Variants in C8orf34 observed in about 807,000 individuals in gnomAD.
The protein encoded by C8orf34 is uncharacterized protein C8orf34.
A neutral mutation model predicts 68.3 loss-of-function variants in C8orf34; 65 were observed. The ratio of observed to expected loss-of-function variants is 0.95; its 90% CI spans 0.78 to 1.17. C8orf34 has a LOEUF of 1.17. Among genes scored for constraint, C8orf34 ranks in the 50% most tolerant of loss-of-function variants. The pLI is 0.00. For missense variants in C8orf34, 664 were observed against 655.4 expected (o/e 1.01, Z -0.14); for synonymous variants, 244 against 241.2 (o/e 1.01, Z -0.11).
chr8:68,739,717 A>G (rs1431524784), intron 10 of C8orf34, among the ~76,000 whole-genome samples: 1 of 152,114 alleles, frequency 6.6e-6, no homozygotes, highest in Non-Finnish European at 1.5e-5. Flanking sequence ...CAATGACATT[A>G]TTCACAGAAC....
intron 8 of C8orf34, among the ~76,000 whole-genome samples, chr8:68,661,376 C>G (rs1345010198): frequency 6.6e-6 from 1 of 152,218 alleles, no homozygotes; most frequent in Non-Finnish European, 1.5e-5. Flanking sequence ...CTTAGGTCCC[C>G]ATATGGGCCA....
intron 12 of C8orf34, among the ~76,000 whole-genome samples, chr8:68,790,071 T>C (rs1038989182): frequency 3.9e-5 from 6 of 152,302 alleles, no homozygotes; most frequent in East Asian, 1.9e-4. Context: ...CTAGTTAGCA[T>C]TGTAGCCAAG....
intron 1 of C8orf34, among the ~76,000 whole-genome samples, chr8:68,413,845 A>G (rs889601732): frequency 2.3e-4 from 35 of 152,302 alleles, no homozygotes; most frequent in African/African-American, 8.4e-4. Flanking sequence ...GGGCAAATGT[A>G]TGTCACTAGC....
intron 11 of C8orf34, among the ~76,000 whole-genome samples, chr8:68,786,625 A>AGCTAC (rs1823854280): frequency 6.6e-6 from 1 of 152,162 alleles, no homozygotes; most frequent in African/African-American, 2.4e-5. Context: ...TGCATTGTAG[A>AGCTAC]GCTACCAGTT....
At chr8:68,339,774 T>C (rs1408400439) in intron 1 of C8orf34, among the ~76,000 whole-genome samples, 3 of 151,920 alleles carry the variant, frequency 2.0e-5, no homozygotes, top group Non-Finnish European at 1.5e-5. Flanking sequence ...ATATAAACTG[T>C]AAAAAAATCA....
chr8:68,495,153 G>A (rs1813473687), intron 5 of C8orf34, among the ~76,000 whole-genome samples: 1 of 151,584 alleles, frequency 6.6e-6, no homozygotes, highest in Non-Finnish European at 1.5e-5. Flanking sequence ...TAGAGCAATA[G>A]GCAGTCTGTA....
At chr8:68,332,388 G>A (rs1263570303) in intron 1 of C8orf34, among the ~76,000 whole-genome samples, 1 of 38,820 alleles carries the variant, frequency 2.6e-5, no homozygotes, top group African/African-American at 1.1e-4. Flanking sequence ...CCTTGCCCCC[G>A]CCCCCCACGT....
intron 7 of C8orf34, among the ~76,000 whole-genome samples, chr8:68,563,251 G>T (rs2130189108): frequency 6.6e-6 from 1 of 152,212 alleles, no homozygotes; most frequent in South Asian, 2.1e-4. Context: ...TTCAAAGTAA[G>T]GATGTATGCA....
chr8:68,415,346 G>A (rs1341099360), intron 1 of C8orf34, among the ~76,000 whole-genome samples: 6 of 152,058 alleles, frequency 3.9e-5, no homozygotes, highest in Admixed American at 2.0e-4. Context: ...TGGGTGTGGC[G>A]GTACATGCCT....
At chr8:68,574,285 TATG>T (rs1466327705) in intron 7 of C8orf34, among the ~76,000 whole-genome samples, 1 of 152,074 alleles carries the variant, frequency 6.6e-6, no homozygotes, top group Non-Finnish European at 1.5e-5. Flanking sequence ...TTGTGAGTAT[TATG>T]ATACTACAAG....
chr8:68,787,380 T>C (rs1385586169), intron 11 of C8orf34, 63 bp from the exon 12 acceptor site: 4 of 1,083,426 alleles, frequency 3.7e-6, no homozygotes, highest in South Asian at 1.5e-5. Flanking sequence ...GAAGTGATTA[T>C]CCACATTAAT....
At chr8:68,471,552 T>C (rs964183337) in intron 4 of C8orf34, among the ~76,000 whole-genome samples, 1 of 152,174 alleles carries the variant, frequency 6.6e-6, no homozygotes, top group African/African-American at 2.4e-5. Flanking sequence ...TTGACTCTTA[T>C]AATAGTTTCA....
intron 1 of C8orf34, among the ~76,000 whole-genome samples, chr8:68,404,725 T>C (rs778474559): frequency 7.9e-5 from 12 of 152,324 alleles, no homozygotes; most frequent in Non-Finnish European, 1.5e-4. Context: ...TTCTTTTCCA[T>C]TGGTCTAGAA....
chr8:68,616,284 A>G lies in C8orf34; in HGVS notation c.1106-24092A>G, dbSNP rs941694377. 2.6e-5 allele frequency among the ~76,000 whole-genome samples: 4 copies of G among 151,786 alleles called. No individual in the cohort carries two copies. In the East Asian group the frequency reaches 7.7e-4, roughly 29 times the overall value. Reference sequence around the variant, plus strand: ...TTTTTGAAGAGTTTTCTGTTTCTCTATTTCCTTCAGTTCTGCTCTGATTTT... The same window carrying G: ...TTTTTGAAGAGTTTTCTGTTTCTCTGTTTCCTTCAGTTCTGCTCTGATTTT... On this transcript the variant is annotated intron_variant, in intron 7 of 13. Transcript: ENST00000518698.
intron 7 of C8orf34, among the ~76,000 whole-genome samples, chr8:68,631,167 C>G (rs1818680671): frequency 6.6e-6 from 1 of 151,900 alleles, no homozygotes; most frequent in Non-Finnish European, 1.5e-5. Flanking sequence ...GAGGCTGAGG[C>G]AGGAGAATCA....
intron 1 of C8orf34, among the ~76,000 whole-genome samples, chr8:68,430,483 G>A (rs1810409290): frequency 6.6e-6 from 1 of 152,148 alleles, no homozygotes; most frequent in Admixed American, 6.6e-5. Context: ...AATATGGGTG[G>A]CCTAGGACTT....
At chr8:68,804,792 T>TAAAC (rs561084820) in intron 12 of C8orf34, among the ~76,000 whole-genome samples, 1 of 151,934 alleles carries the variant, frequency 6.6e-6, no homozygotes. Flanking sequence ...AATAAATAAA[T>TAAAC]AAACAAACAA....
In C8orf34 at chr8:68,449,761, C is replaced by A. The variant is rs150295301; in HGVS notation, c.607+3301C>A. Among the ~76,000 whole-genome samples the A allele has an allele frequency of 2.2e-3, 328 of 152,156 alleles. 1 individual carries two copies. The highest frequency in any genetic ancestry group is 7.1e-3 in the African/African-American group (294 of 41,538). ...GTCATAATCATTTTGCTGGTGAAGA[C>A]CCTTGCCTTGACATTGATGGCTGTG... is the stretch of plus-strand genomic sequence containing the variant. On this transcript the variant is annotated intron_variant, in intron 3 of 13. Transcript: ENST00000518698.
chr8:68,539,023 G>A (rs1815598079), intron 7 of C8orf34, among the ~76,000 whole-genome samples: 2 of 152,060 alleles, frequency 1.3e-5, no homozygotes, highest in South Asian at 4.1e-4. Flanking sequence ...TTATAAAAGT[G>A]TTGAAAATCT....
Sources: gnomAD v4.1 joint callset for allele counts (sites outside exome capture counted in the v4.1 genomes callset) on GRCh38, gnomAD v4.1.1 for gene constraint, MANE v1.5 for transcripts, NCBI Gene and HGNC (gene_info 2026-07-23, HGNC 2026-07-21) for gene names.